The following NLN variants were observed in gnomAD, a reference collection of about 807,000 sequenced individuals.
The protein encoded by NLN is neurolysin, mitochondrial.
In NLN, 64 loss-of-function variants were observed where a neutral mutation model predicts 79.9. That is an observed-to-expected ratio of 0.80 (90% CI 0.65 to 0.99). NLN has a LOEUF of 0.99. NLN is among the 50% of genes least tolerant of loss of function. NLN has a pLI of 0.00. For missense variants in NLN, 835 were observed against 858.7 expected (o/e 0.97, Z 0.34); for synonymous variants, 267 against 296.6 (o/e 0.90, Z 1.02).
rs1758656583 is a variant in NLN at position 65,733,452 on chromosome 5, G to A, written c.41+11038G>A. ...TCACACAGGCGGGCTGAGCAAGTTAGGCCTGGAATTGTATCCTTCCCATCT... is the reference window on the plus strand; with the variant it reads ...TCACACAGGCGGGCTGAGCAAGTTAAGCCTGGAATTGTATCCTTCCCATCT... On this transcript the variant is annotated intron_variant, in intron 1 of 12. Transcript: ENST00000380985. The A allele has an allele frequency of 1.4e-5, 20 of 1,437,840 alleles. 2 individuals carry two copies. In the South Asian group the frequency reaches 2.1e-4, roughly 15 times the overall value. The allele number at this position is 1,437,840 out of a possible 1,614,324, so 89.1% of individuals were successfully genotyped here.
chr5:65,746,779 C>T (rs954560802), intron 1 of NLN, among the ~76,000 whole-genome samples: 4 of 151,828 alleles, frequency 2.6e-5, no homozygotes, highest in Non-Finnish European at 5.9e-5. Flanking sequence ...CCGAGGCAGG[C>T]GGATCACAAG....
chr5:65,792,573 G>A lies in NLN; in HGVS notation c.1445G>A (p.Gly482Asp). ...GTGAACTTCTCACAGCCAGTGGCAG[G>A]TCGTCCCTCTCTCCTGAGACACGAC... ...LVVNFSQPVA[G>D]RPSLLRHDEV... is the part of the protein sequence containing the mutation. Residue 482 changes from glycine (G) to aspartate (D), a missense_variant, in exon 9 of 13, where the codon GGT becomes GAT. Transcript: ENST00000380985. 2 of 1,614,066 alleles carry A rather than the reference G, an allele frequency of 1.2e-6. No homozygotes were observed. Among genetic ancestry groups the A allele is most frequent in the Non-Finnish European group, 1.7e-6 (2 of 1,179,920 alleles).
Position 65,736,078 on chromosome 5 carries a change from C to T in NLN, c.41+13664C>T, listed in dbSNP as rs545760421. Among the ~76,000 whole-genome samples the T allele has an allele frequency of 1.1e-4, 16 of 152,196 alleles. No individual in the cohort carries two copies. In the South Asian group the frequency reaches 3.1e-3, roughly 30 times the overall value. Reference sequence around the variant, plus strand: ...TATATGTAAAATGATATTTCTAGTACCGTTGAAGTTCCTTGAGTGCCCCCT... The same window carrying T: ...TATATGTAAAATGATATTTCTAGTATCGTTGAAGTTCCTTGAGTGCCCCCT... On this transcript the variant is annotated intron_variant, in intron 1 of 12. Coordinates refer to ENST00000380985, the MANE Select transcript of NLN (RefSeq NM_020726.5).
At chr5:65,726,142 G>GA (rs556365656) in intron 1 of NLN, among the ~76,000 whole-genome samples, 206 of 150,188 alleles carry the variant, frequency 1.4e-3, no homozygotes, top group Non-Finnish European at 1.7e-3. Context: ...GGTTTTCCAT[G>GA]AAAAAAATCT....
chr5:65,735,276 A>G (rs1057233675), intron 1 of NLN, among the ~76,000 whole-genome samples: 1 of 152,218 alleles, frequency 6.6e-6, no homozygotes, highest in Admixed American at 6.5e-5. Flanking sequence ...TGTTTCATTT[A>G]TAAGTTACCC....
chr5:65,789,248 AG>A (rs1366887904), intron 8 of NLN, among the ~76,000 whole-genome samples: 1 of 152,224 alleles, frequency 6.6e-6, no homozygotes, highest in Non-Finnish European at 1.5e-5. Flanking sequence ...ATCATTTACT[AG>A]GTAGGTTACT....
At chr5:65,801,999 G>A (rs1377775442) in intron 9 of NLN, among the ~76,000 whole-genome samples, 3 of 152,214 alleles carry the variant, frequency 2.0e-5, no homozygotes, top group Admixed American at 2.0e-4. Flanking sequence ...CTGATGGTGT[G>A]ATTTGGCCTT....
chr5:65,723,814 C>CA (rs760572199), intron 1 of NLN, among the ~76,000 whole-genome samples: 2,014 of 54,770 alleles, frequency 0.037, 74 homozygotes, highest in South Asian at 0.064. Context: ...GACTCCGTCT[C>CA]AAAAAAAAAA....
intron 1 of NLN, among the ~76,000 whole-genome samples, chr5:65,737,400 G>A (rs1488400371): frequency 6.6e-6 from 1 of 152,026 alleles, no homozygotes; most frequent in Non-Finnish European, 1.5e-5. Context: ...TACTTCCATA[G>A]TACAAACATT....
intron 8 of NLN, among the ~76,000 whole-genome samples, chr5:65,791,155 G>A (rs1230799447): frequency 6.6e-6 from 1 of 152,174 alleles, no homozygotes; most frequent in East Asian, 1.9e-4. Context: ...CTGTCTGGGT[G>A]CAGTGGCTGT....
rs182535950 is a variant in NLN at position 65,725,972 on chromosome 5, C to T, written c.41+3558C>T. ...CTGAAAATACAAAAAATTAGCCGGG[C>T]GTGGTGGCGGGCGCCTGTAGTCCCA... On this transcript the variant is annotated intron_variant, in intron 1 of 12. Transcript: ENST00000380985. 1.0e-3 allele frequency among the ~76,000 whole-genome samples: 153 copies of T among 152,178 alleles called. 1 individual carries two copies. In the East Asian group the frequency reaches 0.027, roughly 27 times the overall value.
rs148470231 is a variant in NLN at position 65,722,635 on chromosome 5, CTTTG to C, written c.41+226_41+229del. On this transcript the variant is annotated intron_variant, in intron 1 of 12. Coordinates refer to ENST00000380985, the MANE Select transcript of NLN (RefSeq NM_020726.5). ...CTCCCTCGGGAGGACGTCCATTCCT[CTTTG>C]TTTGGGACTGCCTCAGCCGCAGTCA... is the stretch of plus-strand genomic sequence containing the variant. The C allele has an allele frequency of 4.5e-5, 24 of 531,102 alleles. No individual in the cohort carries two copies. In the East Asian group the frequency reaches 5.6e-4, roughly 12 times the overall value. The allele number at this position is 531,102 out of a possible 1,614,324, so 32.9% of individuals were successfully genotyped here. A position where few individuals can be genotyped will look rare whatever the true frequency, so the allele number is the denominator to read the frequency against.
chr5:65,792,980 CTG>C lies in NLN; in HGVS notation c.1527+328_1527+329del, dbSNP rs1760101127. 1.8e-5 allele frequency: 7 copies of C among 392,216 alleles called. 1 individual carries two copies. The highest frequency in any genetic ancestry group is 8.0e-5 in the South Asian group (4 of 50,314). The allele number at this position is 392,216 out of a possible 1,614,324, so 24.3% of individuals were successfully genotyped here. On this transcript the variant is annotated intron_variant, in intron 9 of 12. Coordinates refer to ENST00000380985, the MANE Select transcript of NLN (RefSeq NM_020726.5). The stretch of plus-strand genomic sequence containing the variant: ...ATTTGATATAAATTTCTCAGAAAAA[CTG>C]TGCTGTAATCTGTCTCTTCTGCTTA...
intron 1 of NLN, among the ~76,000 whole-genome samples, chr5:65,737,613 C>G (rs1425422963): frequency 6.6e-6 from 1 of 151,996 alleles, no homozygotes; most frequent in African/African-American, 2.4e-5. Flanking sequence ...CTATTGATAT[C>G]TAGGGAGTAT....
chr5:65,722,664 A>G, intron 1 of NLN: 2 of 510,910 alleles, frequency 3.9e-6, no homozygotes, highest in South Asian at 4.9e-5. Flanking sequence ...AGCCGCAGTC[A>G]GCGAGGCTGG....
intron 9 of NLN, among the ~76,000 whole-genome samples, chr5:65,805,112 T>C (rs1189497619): frequency 6.6e-6 from 1 of 152,164 alleles, no homozygotes; most frequent in Non-Finnish European, 1.5e-5. Flanking sequence ...TATAAGAGAG[T>C]GAACTTAATT....
chr5:65,783,703 T>TAAAAAAAAA (rs11403265), intron 6 of NLN, among the ~76,000 whole-genome samples: 1 of 133,344 alleles, frequency 7.5e-6, no homozygotes. Flanking sequence ...CTATGAAAAT[T>TAAAAAAAAA]AAAAAAAAAA....
intron 12 of NLN, among the ~76,000 whole-genome samples, chr5:65,815,626 T>A (rs1373487803): frequency 6.6e-6 from 1 of 152,170 alleles, no homozygotes; most frequent in African/African-American, 2.4e-5. Flanking sequence ...GTCACAGCAA[T>A]AATGGACCTG....
At chr5:65,794,570 T>C (rs554384297) in intron 9 of NLN, among the ~76,000 whole-genome samples, 1 of 151,288 alleles carries the variant, frequency 6.6e-6, no homozygotes, top group East Asian at 2.0e-4. Flanking sequence ...GCGCCACTGC[T>C]CTCCAGCCTG....
Sources: gnomAD v4.1 joint callset for allele counts (sites outside exome capture counted in the v4.1 genomes callset) on GRCh38, gnomAD v4.1.1 for gene constraint, MANE v1.5 for transcripts, NCBI Gene and HGNC (gene_info 2026-07-23, HGNC 2026-07-21) for gene names.